The following PCDHGB3 variants were observed in gnomAD, a reference collection of about 807,000 sequenced individuals.
The protein encoded by PCDHGB3 is protocadherin gamma-B3.
Under a neutral mutation model 59.2 loss-of-function variants are expected in PCDHGB3, and 40 were observed. The observed-to-expected ratio is 0.68, with a 90% CI of 0.52 to 0.88. The LOEUF (loss-of-function observed/expected upper bound fraction) is 0.88. Among genes scored for constraint, PCDHGB3 ranks in the 40% least tolerant of loss-of-function variants. PCDHGB3 has a pLI of 0.00. For missense variants in PCDHGB3, 1,309 were observed against 1,187.9 expected (o/e 1.10, Z -1.50); for synonymous variants, 581 against 503.6 (o/e 1.15, Z -2.06).
chr5:141,433,164 A>G, intron 1 of PCDHGB3: 3 of 1,613,600 alleles, frequency 1.9e-6, no homozygotes, highest in Non-Finnish European at 2.5e-6. Context: ...TTTTCTAAAG[A>G]CAGTCATGGG....
intron 1 of PCDHGB3, 161 bp from the exon 2 acceptor site, chr5:141,494,646 T>C (rs1324048407): frequency 1.1e-6 from 1 of 935,836 alleles, no homozygotes; most frequent in East Asian, 1.2e-4. Flanking sequence ...AGACCTGAGG[T>C]GTATTTTGTC....
At chr5:141,386,590 G>A (rs1589020136) in intron 1 of PCDHGB3, among the ~76,000 whole-genome samples, 1 of 151,604 alleles carries the variant, frequency 6.6e-6, no homozygotes, top group Non-Finnish European at 1.5e-5. Context: ...TAGTGTGGGG[G>A]ATACATTTTT....
chr5:141,417,830 G>C (rs2096166388), intron 1 of PCDHGB3: 1 of 1,527,028 alleles, frequency 6.5e-7, no homozygotes, highest in African/African-American at 1.4e-5. Flanking sequence ...AACTGGAAAA[G>C]CGGGGACCCA....
intron 1 of PCDHGB3, among the ~76,000 whole-genome samples, chr5:141,381,922 C>A (rs1777762962): frequency 6.9e-6 from 1 of 145,556 alleles, no homozygotes. Context: ...CTCCACCTCC[C>A]GGGTTCAAGC....
chr5:141,490,945 C>T lies in PCDHGB3; in HGVS notation c.2416-3862C>T, dbSNP rs2099706308. On this transcript the variant is annotated intron_variant, in intron 1 of 3. Transcript: ENST00000576222. This position sits in a 1 kb window ranked among gnomAD's most constrained non-coding sequence, Gnocchi z 5.4. ...TGCCCCAGCTGTGCTGCACCCACGG[C>T]CAGACTGGGAACACTCAGCCCCCCA... The T allele has an allele frequency of 6.2e-7, 1 of 1,613,434 alleles. No homozygotes were observed. Among genetic ancestry groups the T allele is most frequent in the South Asian group, 1.1e-5 (1 of 91,010 alleles).
chr5:141,409,248 T>A (rs779725312), intron 1 of PCDHGB3: 3 of 1,614,032 alleles, frequency 1.9e-6, no homozygotes, highest in South Asian at 2.2e-5. Context: ...GAAATAATCA[T>A]CACTTCTCTC....
At chr5:141,500,887 T>C (rs557735403) in intron 2 of PCDHGB3, among the ~76,000 whole-genome samples, 1 of 95,622 alleles carries the variant, frequency 1.0e-5, no homozygotes, top group South Asian at 2.8e-4. Context: ...ATTTTTTTTT[T>C]TTGAGACAGT....
Position 141,490,563 on chromosome 5 carries a change from G to C in PCDHGB3, c.2416-4244G>C. On this transcript the variant is annotated intron_variant, in intron 1 of 3. Coordinates refer to ENST00000576222, the MANE Select transcript of PCDHGB3 (RefSeq NM_018924.5). This position sits in a 1 kb window ranked among gnomAD's most constrained non-coding sequence, Gnocchi z 5.4. ...CCCTACACAAACATCTCACCATCAG[G>C]CTCAACATTTCAGATGTCAATGACA... 1 of 1,614,022 alleles carries C rather than the reference G, an allele frequency of 6.2e-7. No individual in the cohort carries two copies. Among genetic ancestry groups the C allele is most frequent in the Non-Finnish European group, 8.5e-7 (1 of 1,180,008 alleles).
intron 2 of PCDHGB3, among the ~76,000 whole-genome samples, chr5:141,504,704 A>G (rs965376942): frequency 1.3e-5 from 2 of 151,356 alleles, no homozygotes; most frequent in African/African-American, 4.8e-5. Flanking sequence ...AGGTTCTTCT[A>G]TGGCCGTGGA....
At chr5:141,509,032 A>G (rs2099873869) in intron 3 of PCDHGB3, among the ~76,000 whole-genome samples, 1 of 151,488 alleles carries the variant, frequency 6.6e-6, no homozygotes, top group African/African-American at 2.4e-5. Flanking sequence ...CTCCCACTCA[A>G]CCCCTCTCCC....
intron 1 of PCDHGB3, chr5:141,383,159 C>G (rs769758778): frequency 2.6e-5 from 42 of 1,613,986 alleles, no homozygotes; most frequent in Non-Finnish European, 3.5e-5. Flanking sequence ...TTGGTCACTG[C>G]GGGCAGGATA....
chr5:141,437,512 G>A (rs1201910374), intron 1 of PCDHGB3, among the ~76,000 whole-genome samples: 2 of 152,144 alleles, frequency 1.3e-5, no homozygotes, highest in African/African-American at 2.4e-5. Flanking sequence ...TGAATTATAA[G>A]GCTGATGACA....
intron 1 of PCDHGB3, chr5:141,421,459 G>T: frequency 6.2e-7 from 1 of 1,614,142 alleles, no homozygotes; most frequent in South Asian, 1.1e-5. Context: ...GCTTTTCGCT[G>T]TGAATCCGCG....
rs11410533 is a variant in PCDHGB3, at chr5:141,429,387, TA to T, written c.2415+56586del. ...AAATGGAGAAAATGTGTTTTTTTTT[TA>T]AAAAAAATTGAGATTAAGGTCTCAT... On this transcript the variant is annotated intron_variant, in intron 1 of 3. Transcript: ENST00000576222. Among the ~76,000 whole-genome samples, 10 of 151,446 alleles carry T rather than the reference TA, an allele frequency of 6.6e-5. No individual in the cohort carries two copies. In the South Asian group the frequency reaches 1.0e-3, roughly 16 times the overall value.
At chr5:141,409,185 C>A in intron 1 of PCDHGB3, 1 of 1,614,024 alleles carries the variant, frequency 6.2e-7, no homozygotes, top group Non-Finnish European at 8.5e-7. Flanking sequence ...GGTGGTCTCT[C>A]TACCCAGTGT....
intron 1 of PCDHGB3, among the ~76,000 whole-genome samples, chr5:141,435,715 A>G (rs528951395): frequency 6.6e-6 from 1 of 152,328 alleles, no homozygotes; most frequent in African/African-American, 2.4e-5. Context: ...ACAGACACTG[A>G]ATGCTAAAGT....
chr5:141,489,013 C>T lies in PCDHGB3; in HGVS notation c.2416-5794C>T, dbSNP rs533320646. ...AGGTGGGAGATCTGCTCTTCCAGCC[C>T]GCCTCTCCTCCTCCAGCTCCCCAGC... On this transcript the variant is annotated intron_variant, in intron 1 of 3. Coordinates refer to ENST00000576222, the MANE Select transcript of PCDHGB3 (RefSeq NM_018924.5). The surrounding 1 kb of genome is among the most constrained non-coding windows in gnomAD (Gnocchi z 4.5). 4.6e-5 allele frequency: 20 copies of T among 438,612 alleles called. No homozygotes were observed. Among genetic ancestry groups the T allele is most frequent in the East Asian group, 2.7e-4 (8 of 29,802 alleles). The allele number at this position is 438,612 out of a possible 1,614,324, so 27.2% of individuals were successfully genotyped here.
At chr5:141,420,546 G>A in intron 1 of PCDHGB3, 1 of 284,254 alleles carries the variant, frequency 3.5e-6, no homozygotes, top group South Asian at 1.2e-4. Context: ...ATAAAATACA[G>A]GTATATTTTT....
At chr5:141,419,644 C>T (rs867285747) in intron 1 of PCDHGB3, 1 of 1,612,514 alleles carries the variant, frequency 6.2e-7, no homozygotes, top group Middle Eastern at 1.7e-4. Context: ...TGGCCGTGGA[C>T]GCGGACTCGG....
Sources: allele counts gnomAD v4.1 joint callset (sites outside exome capture counted in the v4.1 genomes callset), GRCh38; gene constraint gnomAD v4.1.1; non-coding constraint Gnocchi (gnomAD v3.1); transcripts MANE v1.5; gene names NCBI Gene and HGNC (gene_info 2026-07-23, HGNC 2026-07-21).